PRKCE: variants seen among roughly 807,000 people sequenced by gnomAD.
PRKCE encodes protein kinase C epsilon.
A neutral mutation model predicts 85.4 loss-of-function variants in PRKCE; 16 were observed. The ratio of observed to expected loss-of-function variants is 0.19; its 90% CI spans 0.13 to 0.28. The LOEUF (loss-of-function observed/expected upper bound fraction) is 0.28, where lower values mean the gene tolerates loss of function less well. Among genes scored for constraint, PRKCE ranks in the 10% least tolerant of loss-of-function variants. The probability of loss-of-function intolerance (pLI) is 1.00; values close to 1 mark genes in which losing one functional copy is unlikely to be tolerated. For synonymous variants in PRKCE, 388 were observed against 371.5 expected (o/e 1.04, Z -0.51); for missense variants, 573 against 975.2 (o/e 0.59, Z 5.49).
chr2:45,844,787 A>C (rs1420733151), intron 2 of PRKCE, among the ~76,000 whole-genome samples: 4 of 152,256 alleles, frequency 2.6e-5, no homozygotes, highest in African/African-American at 9.6e-5. Flanking sequence ...ATGACTTGCA[A>C]AATTATAGAA....
chr2:46,038,811 CAG>C (rs1375199454), intron 10 of PRKCE, among the ~76,000 whole-genome samples: 4 of 152,070 alleles, frequency 2.6e-5, no homozygotes, highest in African/African-American at 9.7e-5. Context: ...CAACTCCAAA[CAG>C]AGGAATGACA....
chr2:46,028,575 A>C (rs997993252), intron 10 of PRKCE, among the ~76,000 whole-genome samples: 1 of 152,312 alleles, frequency 6.6e-6, no homozygotes, highest in African/African-American at 2.4e-5. Context: ...ACTGGTTGAA[A>C]ATAACAGCTT....
chr2:46,161,913 G>C (rs1046449146), intron 14 of PRKCE, among the ~76,000 whole-genome samples: 1 of 152,120 alleles, frequency 6.6e-6, no homozygotes, highest in Non-Finnish European at 1.5e-5. Context: ...ATCCCTCTTT[G>C]AGCAGCACAT....
intron 1 of PRKCE, among the ~76,000 whole-genome samples, chr2:45,797,519 C>T (rs926783911): frequency 6.6e-6 from 1 of 152,228 alleles, no homozygotes; most frequent in Admixed American, 6.5e-5. Flanking sequence ...AACCTGCCAG[C>T]AGGCTTCTTG....
At position 45,987,580 on chromosome 2, in the gene PRKCE, C is replaced by A. The variant is rs1198690191; in HGVS notation, c.823+2900C>A. On this transcript the variant is annotated intron_variant, in intron 6 of 14. Transcript: ENST00000306156. ...CAGAGAGTCCCTGTATTATGTGCCC[C>A]CCAACACACATGGCCTCCCCCCACC... Among the ~76,000 whole-genome samples, 3 of 151,532 alleles carry A rather than the reference C, an allele frequency of 2.0e-5. No individual in the cohort carries two copies. In the East Asian group the frequency reaches 5.8e-4, roughly 30 times the overall value.
chr2:46,101,796 C>CA (rs1228154226), intron 11 of PRKCE, among the ~76,000 whole-genome samples: 2 of 142,116 alleles, frequency 1.4e-5, no homozygotes, highest in East Asian at 4.0e-4. Flanking sequence ...CTCATAGCAA[C>CA]ACAGACAGAA....
At chr2:45,954,862 T>C (rs1025910199) in intron 2 of PRKCE, among the ~76,000 whole-genome samples, 1 of 152,204 alleles carries the variant, frequency 6.6e-6, no homozygotes, top group African/African-American at 2.4e-5. Context: ...TTGTGAGCTG[T>C]TAAGTGGATG....
chr2:46,010,612 G>T, intron 10 of PRKCE, 95 bp downstream of exon 10: 7 of 1,599,144 alleles, frequency 4.4e-6, no homozygotes, highest in Non-Finnish European at 5.9e-6. Flanking sequence ...TTCTCTCAAA[G>T]ACTTTGTAAA....
chr2:45,759,580 A>G (rs1425228928), intron 1 of PRKCE, among the ~76,000 whole-genome samples: 1 of 152,200 alleles, frequency 6.6e-6, no homozygotes, highest in Non-Finnish European at 1.5e-5. Context: ...TTCAGCAATT[A>G]GCGCCATCTC....
At chr2:46,137,000 A>C (rs1675068581) in intron 11 of PRKCE, among the ~76,000 whole-genome samples, 1 of 152,258 alleles carries the variant, frequency 6.6e-6, no homozygotes, top group Admixed American at 6.5e-5. Context: ...AAGGAGTTTT[A>C]GGGATTTAGT....
At chr2:46,081,979 C>T (rs534218466) in intron 10 of PRKCE, among the ~76,000 whole-genome samples, 11 of 152,234 alleles carry the variant, frequency 7.2e-5, no homozygotes, top group African/African-American at 2.6e-4. Context: ...GCCTTACTCC[C>T]AGCTACTCGG....
At chr2:45,946,101 T>A (rs1700224831) in intron 2 of PRKCE, among the ~76,000 whole-genome samples, 1 of 152,258 alleles carries the variant, frequency 6.6e-6, no homozygotes, top group East Asian at 1.9e-4. Flanking sequence ...GGGCGTAGGA[T>A]GTTGGCCAGA....
At chr2:46,035,917 A>G (rs1014794880) in intron 10 of PRKCE, among the ~76,000 whole-genome samples, 30 of 152,262 alleles carry the variant, frequency 2.0e-4, no homozygotes, top group African/African-American at 6.0e-4. Flanking sequence ...CAGAAAGGCA[A>G]TAACGGATTA....
rs773434296 is a variant in PRKCE, at chr2:45,980,364, C to A, written c.676C>A (p.Gln226Lys). 4 of 1,599,594 alleles carry A rather than the reference C, an allele frequency of 2.5e-6. No individual in the cohort carries two copies. The African/African-American group carries it at 5.3e-5, about 21-fold the overall frequency. Reference protein sequence around the residue: ...IITKCAGLKKQETPDQVGSQR... With the variant: ...IITKCAGLKKKETPDQVGSQR... The stretch of plus-strand genomic sequence containing the variant: ...CACAAAGTGTGCTGGGTTAAAGAAG[C>A]AGGAGACCCCCGACCAGGTAAGTGT... The change falls in exon 5 of 15, where the codon CAG (glutamine) becomes AAG (lysine). Residue 226 changes from glutamine to lysine, a missense_variant. Gln to Lys is a moderately conservative substitution (Grantham distance 53). Coordinates refer to ENST00000306156, the MANE Select transcript of PRKCE (RefSeq NM_005400.3).
intron 1 of PRKCE, among the ~76,000 whole-genome samples, chr2:45,822,040 C>T (rs370553894): frequency 1.3e-5 from 2 of 152,282 alleles, no homozygotes; most frequent in East Asian, 3.9e-4. Flanking sequence ...CCGGCTTCGG[C>T]TGAAGGGCCT....
chr2:46,036,203 GA>G (rs1367480720), intron 10 of PRKCE, among the ~76,000 whole-genome samples: 2 of 152,278 alleles, frequency 1.3e-5, no homozygotes, highest in South Asian at 2.1e-4. Flanking sequence ...CATGGTTGGA[GA>G]CAGAGGGAGT....
At chr2:46,063,071 C>G (rs907086694) in intron 10 of PRKCE, among the ~76,000 whole-genome samples, 1 of 152,212 alleles carries the variant, frequency 6.6e-6, no homozygotes, top group Non-Finnish European at 1.5e-5. Flanking sequence ...CTGCAGTCAA[C>G]TTGCTAAGTA....
At chr2:45,836,850 C>T (rs1485169844) in intron 1 of PRKCE, among the ~76,000 whole-genome samples, 1 of 152,232 alleles carries the variant, frequency 6.6e-6, no homozygotes, top group African/African-American at 2.4e-5. Flanking sequence ...TTTCTGGATT[C>T]ATCTTTTTCA....
At chr2:45,735,921 C>G (rs973855714) in intron 1 of PRKCE, among the ~76,000 whole-genome samples, 1 of 152,172 alleles carries the variant, frequency 6.6e-6, no homozygotes, top group Non-Finnish European at 1.5e-5. Context: ...CCAAGTCTTC[C>G]TATATATTGT....
Sources: gnomAD v4.1 joint callset for allele counts (sites outside exome capture counted in the v4.1 genomes callset) on GRCh38, gnomAD v4.1.1 for gene constraint, MANE v1.5 for transcripts, NCBI Gene and HGNC (gene_info 2026-07-23, HGNC 2026-07-21) for gene names.